The following UTRN variants were observed in gnomAD, a reference collection of about 807,000 sequenced individuals.
The protein encoded by UTRN is utrophin.
Under a neutral mutation model 463.9 loss-of-function variants are expected in UTRN, and 283 were observed. The observed-to-expected ratio is 0.61, with a 90% CI of 0.55 to 0.67. UTRN has a LOEUF of 0.67. UTRN is among the 30% of genes least tolerant of loss of function. UTRN has a pLI of 0.00. For missense variants in UTRN, 3,922 were observed against 4,084.3 expected, an observed-to-expected ratio of 0.96 and a Z score of 1.08; for synonymous variants, 1,442 against 1,431.5, an observed-to-expected ratio of 1.01 and a Z score of -0.17.
In UTRN at chr6:144,423,889, T is replaced by C. The variant is rs537308501; in HGVS notation, c.313-97T>C. 172 of 1,230,378 alleles carry C rather than the reference T, an allele frequency of 1.4e-4. No individual in the cohort carries two copies. The African/African-American group carries it at 2.3e-3, about 16-fold the overall frequency. The allele number at this position is 1,230,378 out of a possible 1,614,324, so 76.2% of individuals were successfully genotyped here. On this transcript the variant is annotated intron_variant, in intron 5 of 74. Coordinates refer to ENST00000367545, the MANE Select transcript of UTRN (RefSeq NM_007124.3). ...TGAAATTTCTCTTATCTCTCACTTA[T>C]ACTGCTGTCCAAATGTGCTAAAATA...
At chr6:144,800,486 AG>A (rs1333137656) in intron 64 of UTRN, among the ~76,000 whole-genome samples, 1 of 152,174 alleles carries the variant, frequency 6.6e-6, no homozygotes, top group Non-Finnish European at 1.5e-5. Flanking sequence ...TCAGAGATTA[AG>A]GTTATGGGAG....
chr6:144,637,821 A>G (rs2128659334), intron 51 of UTRN, among the ~76,000 whole-genome samples: 1 of 152,336 alleles, frequency 6.6e-6, no homozygotes, highest in South Asian at 2.1e-4. Flanking sequence ...GTGCTCAATT[A>G]TAATTGCCTA....
intron 7 of UTRN, among the ~76,000 whole-genome samples, chr6:144,427,217 T>C (rs545712744): frequency 8.6e-4 from 131 of 152,288 alleles, no homozygotes; most frequent in Admixed American, 3.6e-3. Context: ...AATAAATGTA[T>C]TGGATCTTTA....
chr6:144,649,317 G>A (rs1002660289), intron 51 of UTRN, among the ~76,000 whole-genome samples: 3 of 152,204 alleles, frequency 2.0e-5, no homozygotes, highest in Non-Finnish European at 4.4e-5. Context: ...GTAGGATAAG[G>A]CTGTATTGTG....
chr6:144,426,342 A>T lies in UTRN; in HGVS notation c.461A>T (p.Lys154Met). The T allele has an allele frequency of 6.2e-7, 1 of 1,614,180 alleles. No individual in the cohort carries two copies. The highest frequency in any genetic ancestry group is 1.3e-5 in the African/African-American group (1 of 75,038). The stretch of plus-strand genomic sequence containing the variant: ...GACCTGCAGCAGACGAACAGTGAGA[A>T]GATCCTGCTCAGCTGGGTGCGTCAG... ...MSDLQQTNSE[K>M]ILLSWVRQTT... Residue 154 changes from lysine (K) to methionine (M), a missense_variant, in exon 7 of 75, where the codon AAG becomes ATG. Lys to Met is a moderately conservative substitution (Grantham distance 95, BLOSUM62 -1). Transcript: ENST00000367545.
intron 3 of UTRN, among the ~76,000 whole-genome samples, chr6:144,420,809 C>T (rs748652598): frequency 5.9e-5 from 9 of 152,272 alleles, no homozygotes; most frequent in East Asian, 3.9e-4. Flanking sequence ...TGATGTGAGA[C>T]GCAGTGATGA....
intron 51 of UTRN, among the ~76,000 whole-genome samples, chr6:144,583,058 A>T (rs1281809855): frequency 6.6e-6 from 1 of 152,250 alleles, no homozygotes; most frequent in African/African-American, 2.4e-5. Context: ...AACCAGCTAC[A>T]GGGCATGCAC....
chr6:144,537,184 G>A (rs1229445915), intron 43 of UTRN, among the ~76,000 whole-genome samples: 2 of 151,830 alleles, frequency 1.3e-5, no homozygotes, highest in Non-Finnish European at 1.5e-5. Context: ...TTCAATATTC[G>A]TGAAACACTC....
chr6:144,774,860 A>AT (rs1224161612), intron 60 of UTRN, among the ~76,000 whole-genome samples: 1 of 152,170 alleles, frequency 6.6e-6, no homozygotes, highest in Non-Finnish European at 1.5e-5. Context: ...TTATCAATGC[A>AT]TTTTTCCTGT....
intron 50 of UTRN, among the ~76,000 whole-genome samples, chr6:144,568,327 T>C (rs1480046335): frequency 1.3e-5 from 2 of 152,226 alleles, no homozygotes; most frequent in Non-Finnish European, 2.9e-5. Context: ...TTCTTTGTGA[T>C]TTGTAGATTT....
intron 46 of UTRN, among the ~76,000 whole-genome samples, chr6:144,547,193 T>A (rs1226078441): frequency 6.6e-6 from 1 of 152,256 alleles, no homozygotes; most frequent in African/African-American, 2.4e-5. Flanking sequence ...CACATTTTTA[T>A]GTTTATTGCC....
At chr6:144,529,750 C>T (rs1796874077) in intron 41 of UTRN, among the ~76,000 whole-genome samples, 1 of 151,754 alleles carries the variant, frequency 6.6e-6, no homozygotes, top group South Asian at 2.1e-4. Flanking sequence ...ACGATATACA[C>T]ATTATTTAGG....
chr6:144,540,108 T>C (rs917116835), intron 45 of UTRN, among the ~76,000 whole-genome samples: 3 of 151,756 alleles, frequency 2.0e-5, no homozygotes, highest in African/African-American at 7.3e-5. Context: ...TTTTCACACA[T>C]GTATGTTTAT....
intron 3 of UTRN, among the ~76,000 whole-genome samples, chr6:144,420,982 T>C (rs1198054892): frequency 6.6e-6 from 1 of 152,228 alleles, no homozygotes; most frequent in Admixed American, 6.5e-5. Flanking sequence ...TACTGTATAT[T>C]TGTGTGAAAT....
intron 69 of UTRN, among the ~76,000 whole-genome samples, chr6:144,834,516 G>A (rs9321995): frequency 6.6e-6 from 1 of 151,668 alleles, no homozygotes; most frequent in African/African-American, 2.4e-5. Flanking sequence ...TTCACCAACT[G>A]TCTGATACAA....
At chr6:144,777,376 C>A (rs1435670904) in intron 60 of UTRN, among the ~76,000 whole-genome samples, 1 of 152,036 alleles carries the variant, frequency 6.6e-6, no homozygotes, top group Non-Finnish European at 1.5e-5. Flanking sequence ...AAAATGTGTA[C>A]CACTCTGTTC....
At chr6:144,315,917 C>T (rs1333891347) in intron 2 of UTRN, among the ~76,000 whole-genome samples, 4 of 152,280 alleles carry the variant, frequency 2.6e-5, no homozygotes, top group East Asian at 1.9e-4. Context: ...TGCTGAAGGT[C>T]GCCTCGGCTC....
intron 40 of UTRN, 47 bp from the exon 41 acceptor site, chr6:144,522,969 T>G: frequency 7.1e-7 from 1 of 1,406,578 alleles, no homozygotes; most frequent in South Asian, 1.5e-5. Context: ...GATTCCTTTT[T>G]TTGTTACTTT....
intron 9 of UTRN, among the ~76,000 whole-genome samples, chr6:144,430,520 A>G (rs925808830): frequency 5.9e-5 from 9 of 152,132 alleles, no homozygotes; most frequent in Non-Finnish European, 1.5e-5. Context: ...TTTCAGAGAG[A>G]AAGAAAGCTT....
Sources: gnomAD v4.1 joint callset for allele counts (sites outside exome capture counted in the v4.1 genomes callset) on GRCh38, gnomAD v4.1.1 for gene constraint, MANE v1.5 for transcripts, NCBI Gene and HGNC (gene_info 2026-07-23, HGNC 2026-07-21) for gene names.